The following USH2A variants were observed in gnomAD, a reference collection of about 807,000 sequenced individuals.
The protein encoded by USH2A is usherin, also known as Usher syndrome 2A (autosomal recessive, mild).
USH2A carries 443 observed loss-of-function variants against 538.9 expected under a neutral mutation model. That is an observed-to-expected ratio of 0.82 (90% CI 0.76 to 0.89). USH2A has a LOEUF of 0.89. Among genes scored for constraint, USH2A ranks in the 40% least tolerant of loss-of-function variants. USH2A has a pLI of 0.00. For synonymous variants in USH2A, 2,413 were observed against 2,273.5 expected, an observed-to-expected ratio of 1.06 and a Z score of -1.75; for missense variants, 6,633 against 6,324.8, an observed-to-expected ratio of 1.05 and a Z score of -1.65.
chr1:215,655,745 T>C (rs1657228762), intron 64 of USH2A, among the ~76,000 whole-genome samples: 1 of 146,588 alleles, frequency 6.8e-6, no homozygotes, highest in Non-Finnish European at 1.5e-5. Flanking sequence ...TTTTTTTTTT[T>C]TTTTCTTTGA....
chr1:215,946,735 C>G (rs924985505), intron 37 of USH2A, among the ~76,000 whole-genome samples: 2 of 152,138 alleles, frequency 1.3e-5, no homozygotes, highest in African/African-American at 2.4e-5. Flanking sequence ...GGCTGAGGAG[C>G]TGAATTTCTA....
Position 216,246,823 on chromosome 1 carries a change from G to A in USH2A, c.2571C>T (p.Gly857=). 6.2e-7 allele frequency: 1 copy of A among 1,614,154 alleles called. No individual in the cohort carries two copies. The highest frequency in any genetic ancestry group is 8.5e-7 in the Non-Finnish European group (1 of 1,179,980). ...CNCDKTGTIN[G]SLLCNKSTGQ... ...CTGTTGATTTGTTACACAGCAGAGA[G>A]CCATTTATTGTCCCAGTCTTATCAC... The change falls in exon 13 of 72, where the codon GGC becomes GGT. Residue 857 remains glycine, a synonymous_variant. Transcript: ENST00000307340.
intron 8 of USH2A, 109 bp from the exon 9 acceptor site, chr1:216,322,085 T>C (rs1359399986): frequency 1.4e-5 from 14 of 1,020,684 alleles, no homozygotes; most frequent in Non-Finnish European, 1.1e-5. Flanking sequence ...AAGATTTTTG[T>C]ATATTTAATT....
chr1:215,924,737 C>T (rs1158457767), intron 38 of USH2A, among the ~76,000 whole-genome samples: 1 of 151,650 alleles, frequency 6.6e-6, no homozygotes, highest in Non-Finnish European at 1.5e-5. Flanking sequence ...ACAATATTTC[C>T]CACCCCTCTC....
chr1:215,789,546 C>T (rs953435794), intron 51 of USH2A, among the ~76,000 whole-genome samples: 7 of 152,172 alleles, frequency 4.6e-5, no homozygotes, highest in Admixed American at 2.0e-4. Flanking sequence ...TAAGCGATTA[C>T]ACCCAGAAGC....
intron 11 of USH2A, among the ~76,000 whole-genome samples, chr1:216,255,937 G>T (rs528784741): frequency 0.026 from 3,989 of 152,088 alleles, 169 homozygotes; most frequent in African/African-American, 0.086. Flanking sequence ...GAATTGTTAT[G>T]TCCTATTGAC....
intron 23 of USH2A, among the ~76,000 whole-genome samples, chr1:216,087,263 A>G (rs2032164344): frequency 6.6e-6 from 1 of 152,142 alleles, no homozygotes; most frequent in South Asian, 2.1e-4. Flanking sequence ...AATTAGCCCT[A>G]CTTACATCTG....
chr1:216,351,905 G>A (rs1458401142), intron 4 of USH2A, among the ~76,000 whole-genome samples: 1 of 152,036 alleles, frequency 6.6e-6, no homozygotes. Context: ...CTTTTTCTCT[G>A]TCTTAGTGGA....
intron 61 of USH2A, among the ~76,000 whole-genome samples, chr1:215,723,722 G>A (rs1226574054): frequency 6.6e-6 from 1 of 152,118 alleles, no homozygotes. Context: ...ATTTCCTACA[G>A]CAGGCACAGA....
Position 215,639,092 on chromosome 1 carries a change from C to T in USH2A, c.15052+63G>A, listed in dbSNP as rs1656592192. ...AGGACTCCAAGTATGTATAAACAAA[C>T]ATATGTGTGTTTCTTGAGGAAGATG... On this transcript the variant is annotated intron_variant, in intron 69 of 71. Coordinates refer to ENST00000307340, the MANE Select transcript of USH2A (RefSeq NM_206933.4). 7 of 1,476,904 alleles carry T rather than the reference C, an allele frequency of 4.7e-6. 1 individual carries two copies. Among genetic ancestry groups the T allele is most frequent in the South Asian group, 4.5e-5 (4 of 88,298 alleles). 91.5% of individuals were successfully genotyped at this position (1,476,904 alleles called of 1,614,324 possible). A position where few individuals can be genotyped will look rare whatever the true frequency, so the allele number is the denominator to read the frequency against.
chr1:215,971,773 C>T (rs1667499684), intron 35 of USH2A, among the ~76,000 whole-genome samples: 1 of 152,068 alleles, frequency 6.6e-6, no homozygotes, highest in South Asian at 2.1e-4. Context: ...TTTCCGTCCT[C>T]CTTTCCCCAT....
chr1:215,630,526 A>G lies in USH2A; in HGVS notation c.15298-1491T>C, dbSNP rs1257543598. 2.8e-4 allele frequency among the ~76,000 whole-genome samples: 34 copies of G among 122,254 alleles called. 1 individual carries two copies. The Middle Eastern group carries it at 0.021, about 77-fold the overall frequency. The allele number at this position is 122,254 out of a possible 152,430, so 80.2% of individuals were successfully genotyped here. A position where few individuals can be genotyped will look rare whatever the true frequency, so the allele number is the denominator to read the frequency against. On this transcript the variant is annotated intron_variant, in intron 70 of 71. Coordinates refer to ENST00000307340, the MANE Select transcript of USH2A (RefSeq NM_206933.4). Reference sequence around the variant, plus strand: ...TATATATATATATATATATATATATATGAGAGAGAGAAAGTTGGGTTTTGC... The same window carrying G: ...TATATATATATATATATATATATATGTGAGAGAGAGAAAGTTGGGTTTTGC...
intron 55 of USH2A, among the ~76,000 whole-genome samples, chr1:215,772,368 A>G (rs1661315994): frequency 6.6e-6 from 1 of 152,224 alleles, no homozygotes; most frequent in African/African-American, 2.4e-5. Context: ...CTTGTAGAGT[A>G]CAGAAAGGCA....
At chr1:215,717,011 C>T (rs571681286) in intron 61 of USH2A, among the ~76,000 whole-genome samples, 35 of 152,256 alleles carry the variant, frequency 2.3e-4, no homozygotes, top group East Asian at 5.8e-4. Context: ...ACATTACTTT[C>T]CAGTGGGCAA....
intron 58 of USH2A, among the ~76,000 whole-genome samples, chr1:215,755,380 A>G (rs1660759884): frequency 1.3e-5 from 2 of 152,182 alleles, no homozygotes; most frequent in South Asian, 4.1e-4. Context: ...TATTGTGAGC[A>G]AATAAACAAT....
chr1:216,235,701 G>A (rs1420162997), intron 13 of USH2A, among the ~76,000 whole-genome samples: 2 of 152,172 alleles, frequency 1.3e-5, no homozygotes, highest in Non-Finnish European at 2.9e-5. Flanking sequence ...TCTCTCCTGA[G>A]GACCATGAAC....
intron 21 of USH2A, chr1:216,173,913 T>C: frequency 1.1e-6 from 1 of 929,282 alleles, no homozygotes; most frequent in Non-Finnish European, 1.3e-6. Context: ...CTATTATTCA[T>C]GTATTCCTTT....
intron 3 of USH2A, among the ~76,000 whole-genome samples, chr1:216,415,109 A>G (rs1253738983): frequency 6.6e-6 from 1 of 152,104 alleles, no homozygotes; most frequent in Non-Finnish European, 1.5e-5. Context: ...CACAAGACTG[A>G]TCATTGGTTA....
In USH2A at chr1:216,164,582, G is replaced by A. The variant is rs144176099; in HGVS notation, c.4627+10670C>T. 9.2e-3 allele frequency among the ~76,000 whole-genome samples: 1,398 copies of A among 152,140 alleles called. 22 individuals are homozygous for A. The highest frequency in any genetic ancestry group is 0.03 in the African/African-American group (1,251 of 41,502). Reference sequence around the variant, plus strand: ...TAAGTACACATAACATTTAAAGTTGGCTGTTTAAATAGATGTGGAGAAATG... The same window carrying A: ...TAAGTACACATAACATTTAAAGTTGACTGTTTAAATAGATGTGGAGAAATG... On this transcript the variant is annotated intron_variant, in intron 21 of 71. Coordinates refer to ENST00000307340, the MANE Select transcript of USH2A (RefSeq NM_206933.4).
Sources: allele counts gnomAD v4.1 joint callset (sites outside exome capture counted in the v4.1 genomes callset), GRCh38; gene constraint gnomAD v4.1.1; transcripts MANE v1.5; gene names NCBI Gene and HGNC (gene_info 2026-07-23, HGNC 2026-07-21).